Variants in SND1 observed in about 807,000 individuals in gnomAD.
SND1 encodes the protein staphylococcal nuclease and tudor domain containing 1, also known as staphylococcal nuclease domain-containing protein 1.
Under a neutral mutation model 121.7 loss-of-function variants are expected in SND1, and 38 were observed. The observed-to-expected ratio is 0.31, with a 90% CI of 0.24 to 0.41. The LOEUF (loss-of-function observed/expected upper bound fraction) is 0.41, where lower values mean the gene tolerates loss of function less well. Among genes scored for constraint, SND1 ranks in the 10% least tolerant of loss-of-function variants. The pLI is 1.00. For missense variants in SND1, 868 were observed against 1,184.6 expected, an observed-to-expected ratio of 0.73 and a Z score of 3.92; for synonymous variants, 401 against 447.4, an observed-to-expected ratio of 0.90 and a Z score of 1.31.
chr7:127,880,235 G>C (rs1402068435), intron 12 of SND1, among the ~76,000 whole-genome samples: 1 of 152,188 alleles, frequency 6.6e-6, no homozygotes, highest in East Asian at 1.9e-4. Context: ...ATGGATGCTT[G>C]CATATTGTTA....
intron 9 of SND1, among the ~76,000 whole-genome samples, chr7:127,710,876 G>T (rs1796286097): frequency 6.6e-6 from 1 of 152,160 alleles, no homozygotes; most frequent in African/African-American, 2.4e-5. Flanking sequence ...TCATAAGTTA[G>T]TTAATAGTCA....
intron 16 of SND1, among the ~76,000 whole-genome samples, chr7:128,004,487 A>G (rs1464519874): frequency 1.3e-5 from 2 of 152,170 alleles, no homozygotes; most frequent in African/African-American, 4.8e-5. Context: ...TCTGACCATG[A>G]TGTTCCCCAT....
chr7:127,963,365 T>A (rs952394741), intron 15 of SND1, among the ~76,000 whole-genome samples: 19 of 145,652 alleles, frequency 1.3e-4, no homozygotes, highest in African/African-American at 4.9e-4. Flanking sequence ...TAACTCGTCA[T>A]CTAGCATTAG....
chr7:128,021,440 G>T (rs555221889), intron 16 of SND1, among the ~76,000 whole-genome samples: 1 of 152,206 alleles, frequency 6.6e-6, no homozygotes, highest in Non-Finnish European at 1.5e-5. Flanking sequence ...TTCACCTGCC[G>T]TGGGAGAAGC....
chr7:127,734,350 A>G (rs1322955215), intron 10 of SND1, among the ~76,000 whole-genome samples: 2 of 152,116 alleles, frequency 1.3e-5, no homozygotes, highest in Non-Finnish European at 2.9e-5. Flanking sequence ...ATAACATACT[A>G]TTTGAGCTGA....
chr7:127,922,836 G>A (rs183054225), intron 14 of SND1, among the ~76,000 whole-genome samples: 7 of 152,318 alleles, frequency 4.6e-5, no homozygotes, highest in Admixed American at 3.3e-4. Context: ...TGCTCCTACA[G>A]ATGTCCAAAT....
chr7:128,074,621 C>T lies in SND1; in HGVS notation c.1899C>T (p.Thr633=), dbSNP rs759064690. 2.2e-5 allele frequency: 35 copies of T among 1,613,764 alleles called. No homozygotes were observed. The highest frequency in any genetic ancestry group is 1.8e-4 in the Admixed American group (11 of 59,994). ...VEHALSKVHF[T]AERSSYYKSL... is the part of the protein sequence containing the mutation. ...ACGCGCTCTCCAAGGTCCACTTCACCGCCGAACGCAGCTCCTACTACAAGT... is the reference window on the plus strand; with the variant it reads ...ACGCGCTCTCCAAGGTCCACTTCACTGCCGAACGCAGCTCCTACTACAAGT... The change falls in exon 17 of 24, where the codon ACC becomes ACT. Residue 633 remains threonine, a synonymous_variant. Transcript: ENST00000354725.
Position 128,044,638 on chromosome 7 carries a change from C to T in SND1, c.1780-29864C>T, listed in dbSNP as rs1334214185. The stretch of plus-strand genomic sequence containing the variant: ...CCCCTCCCATCTCCCCCCCCACCCC[C>T]GCCACACACACAGACACACACACAC... On this transcript the variant is annotated intron_variant, in intron 16 of 23. Coordinates refer to ENST00000354725, the MANE Select transcript of SND1 (RefSeq NM_014390.4). Among the ~76,000 whole-genome samples, 5 of 127,346 alleles carry T rather than the reference C, an allele frequency of 3.9e-5. No individual in the cohort carries two copies. The East Asian group carries it at 8.2e-4, about 21-fold the overall frequency. The allele number at this position is 127,346 out of a possible 152,430, so 83.5% of individuals were successfully genotyped here.
chr7:127,959,833 G>C (rs1203949932), intron 15 of SND1, among the ~76,000 whole-genome samples: 1 of 152,160 alleles, frequency 6.6e-6, no homozygotes, highest in Non-Finnish European at 1.5e-5. Flanking sequence ...CTGGCACATG[G>C]TAGGCACTTG....
chr7:127,671,850 G>A (rs1280014921), intron 1 of SND1, among the ~76,000 whole-genome samples: 1 of 152,178 alleles, frequency 6.6e-6, no homozygotes, highest in Non-Finnish European at 1.5e-5. Context: ...ATACTAGACA[G>A]CAAGTCAGAA....
chr7:127,843,702 C>T (rs1195996709), intron 11 of SND1, among the ~76,000 whole-genome samples: 1 of 152,148 alleles, frequency 6.6e-6, no homozygotes, highest in Non-Finnish European at 1.5e-5. Flanking sequence ...TGTTAATATC[C>T]ATGGGCAGGT....
At chr7:128,030,448 C>G (rs1437718859) in intron 16 of SND1, 1 of 1,613,734 alleles carries the variant, frequency 6.2e-7, no homozygotes, top group South Asian at 1.1e-5. Flanking sequence ...TCGGAGAGGC[C>G]CCGGCGCGTG....
intron 10 of SND1, among the ~76,000 whole-genome samples, chr7:127,798,808 G>A (rs1390309438): frequency 6.6e-6 from 1 of 152,128 alleles, no homozygotes; most frequent in Admixed American, 6.5e-5. Context: ...TCTTTGAAAG[G>A]CTGAGGCGGG....
intron 1 of SND1, among the ~76,000 whole-genome samples, chr7:127,685,613 C>G (rs1016320535): frequency 1.3e-5 from 2 of 152,188 alleles, no homozygotes; most frequent in Admixed American, 1.3e-4. Flanking sequence ...AAGGTTAATG[C>G]CAGTGAGCTT....
chr7:127,681,722 C>T (rs1346733513), intron 1 of SND1, among the ~76,000 whole-genome samples: 1 of 152,184 alleles, frequency 6.6e-6, no homozygotes, highest in African/African-American at 2.4e-5. Context: ...TGTCCCAACA[C>T]ATTTTTGTTG....
intron 16 of SND1, among the ~76,000 whole-genome samples, chr7:128,041,214 C>G (rs1055867677): frequency 1.3e-5 from 2 of 152,130 alleles, no homozygotes; most frequent in African/African-American, 4.8e-5. Flanking sequence ...GATGCAGGAT[C>G]GCTTAAGCCC....
intron 14 of SND1, among the ~76,000 whole-genome samples, chr7:127,917,099 C>T (rs775221542): frequency 1.3e-5 from 2 of 152,216 alleles, no homozygotes; most frequent in African/African-American, 2.4e-5. Context: ...TCTGCCATCA[C>T]TTACGCACTC....
chr7:127,968,768 C>G (rs1801911240), intron 15 of SND1, among the ~76,000 whole-genome samples: 1 of 152,148 alleles, frequency 6.6e-6, no homozygotes, highest in South Asian at 2.1e-4. Flanking sequence ...TTGTGCTCTC[C>G]CAAGCATAAC....
At chr7:127,665,279 C>A (rs183013517) in intron 1 of SND1, among the ~76,000 whole-genome samples, 1 of 151,970 alleles carries the variant, frequency 6.6e-6, no homozygotes, top group Non-Finnish European at 1.5e-5. Context: ...CTCCGTCTCC[C>A]GGGTTCTCGC....
Sources: allele counts gnomAD v4.1 joint callset (sites outside exome capture counted in the v4.1 genomes callset), GRCh38; gene constraint gnomAD v4.1.1; transcripts MANE v1.5; gene names NCBI Gene and HGNC (gene_info 2026-07-23, HGNC 2026-07-21).